Variants in STON1 observed in about 807,000 individuals in gnomAD.
STON1 encodes the protein stonin 1.
In STON1, 79 loss-of-function variants were observed where a neutral mutation model predicts 60.9. The ratio of observed to expected loss-of-function variants is 1.30; its 90% CI spans 1.08 to 1.56. The LOEUF (loss-of-function observed/expected upper bound fraction) is 1.56. STON1 is among the 40% of genes most tolerant of loss of function. The pLI, the probability that STON1 is intolerant of heterozygous loss-of-function variation, is 0.00. For synonymous variants in STON1, 363 were observed against 306.9 expected (o/e 1.18, Z -1.91); for missense variants, 1,166 against 858.9 (o/e 1.36, Z -4.47).
chr2:48,562,189 C>T (rs943120284), intron 1 of STON1, among the ~76,000 whole-genome samples: 1 of 152,176 alleles, frequency 6.6e-6, no homozygotes, highest in Admixed American at 6.5e-5. Context: ...GTCTTTTTCC[C>T]AGTTAGTTTT....
chr2:48,580,185 G>A (rs1572629789), intron 1 of STON1, among the ~76,000 whole-genome samples: 1 of 152,160 alleles, frequency 6.6e-6, no homozygotes, highest in African/African-American at 2.4e-5. Context: ...TGGGATTACA[G>A]TTGTGACCCA....
intron 1 of STON1, among the ~76,000 whole-genome samples, chr2:48,543,754 A>T (rs1184261018): frequency 3.3e-5 from 5 of 151,326 alleles, no homozygotes; most frequent in Non-Finnish European, 7.4e-5. Context: ...CTGGTTTTGA[A>T]CTCCTAGCCT....
intron 1 of STON1, among the ~76,000 whole-genome samples, chr2:48,533,360 A>G (rs1400313748): frequency 6.6e-6 from 1 of 151,944 alleles, no homozygotes; most frequent in Non-Finnish European, 1.5e-5. Flanking sequence ...AGCCTGGGCG[A>G]CAGAGCGAGA....
intron 1 of STON1, among the ~76,000 whole-genome samples, chr2:48,578,549 T>TCTC (rs1365433350): frequency 7.1e-6 from 1 of 140,882 alleles, no homozygotes. Context: ...TTCTCCTCCT[T>TCTC]CTCCTCCTTC....
intron 2 of STON1, among the ~76,000 whole-genome samples, chr2:48,586,661 A>G (rs975115261): frequency 6.6e-6 from 1 of 151,854 alleles, no homozygotes. Flanking sequence ...GTGTATTAAG[A>G]CCTTGTGGGC....
rs763696544 is a variant in STON1, at chr2:48,582,254, G to T, written c.1621G>T (p.Val541Leu). ...TGTAGTGGTTGTCCAGGGAGCATAC[G>T]TGGAACTTCAGGCTTTTGTCAACAT... ...KSVVVVQGAY[V>L]ELQAFVNMAS... Residue 541 changes from valine to leucine, a missense_variant, in exon 2 of 4, where the codon GTG becomes TTG. Coordinates refer to ENST00000404752, the MANE Select transcript of STON1 (RefSeq NM_006873.4). 2 of 1,614,056 alleles carry T rather than the reference G, an allele frequency of 1.2e-6. No individual in the cohort carries two copies. The highest frequency in any genetic ancestry group is 1.7e-6 in the Non-Finnish European group (2 of 1,180,052).
At chr2:48,569,782 C>G (rs1272071034) in intron 1 of STON1, among the ~76,000 whole-genome samples, 4 of 152,148 alleles carry the variant, frequency 2.6e-5, no homozygotes, top group African/African-American at 7.2e-5. Context: ...TCCTTTACAC[C>G]AAATGCTCAG....
rs1558604545 is a variant in STON1, at chr2:48,564,470, CTTCTTCTTCTTT to C, written c.-47-16116_-47-16105del. On this transcript the variant is annotated intron_variant, in intron 1 of 3. Transcript: ENST00000404752. ...TCTTCTTCTTCTTCTTCTTCTTCTT[CTTCTTCTTCTTT>C]CTTCTTCTTCTTCTTCTTCTTCTTC... Among the ~76,000 whole-genome samples, 21 of 54,562 alleles carry C rather than the reference CTTCTTCTTCTTT, an allele frequency of 3.8e-4. 1 individual carries two copies. The highest frequency in any genetic ancestry group is 1.4e-3 in the African/African-American group (19 of 13,646). 35.8% of individuals were successfully genotyped at this position (54,562 alleles called of 152,430 possible).
At chr2:48,579,380 C>G (rs1673742404) in intron 1 of STON1, among the ~76,000 whole-genome samples, 1 of 151,952 alleles carries the variant, frequency 6.6e-6, no homozygotes, top group Non-Finnish European at 1.5e-5. Flanking sequence ...GCATTTGTGG[C>G]TATAAAGTTC....
At chr2:48,551,964 C>T (rs1298077324) in intron 1 of STON1, among the ~76,000 whole-genome samples, 1 of 152,238 alleles carries the variant, frequency 6.6e-6, no homozygotes, top group Non-Finnish European at 1.5e-5. Context: ...GGGTTAGTTC[C>T]TGGTGTCCTG....
intron 1 of STON1, among the ~76,000 whole-genome samples, chr2:48,564,647 T>C (rs1162863566): frequency 7.7e-6 from 1 of 129,444 alleles, no homozygotes; most frequent in Non-Finnish European, 1.7e-5. Context: ...TCCTTCTCCT[T>C]CTTCTTCTTC....
At chr2:48,575,964 G>T (rs1196924626) in intron 1 of STON1, among the ~76,000 whole-genome samples, 1 of 151,354 alleles carries the variant, frequency 6.6e-6, no homozygotes. Flanking sequence ...CACCATGTTG[G>T]CTAGGCTGGT....
rs532534377 is a variant in STON1, at chr2:48,530,416, C to T, written c.-48+200C>T. 128 of 227,350 alleles carry T rather than the reference C, an allele frequency of 5.6e-4. 2 individuals are homozygous for T. The South Asian group carries it at 6.9e-3, about 12-fold the overall frequency. 14.1% of individuals were successfully genotyped at this position (227,350 alleles called of 1,614,324 possible). A position where few individuals can be genotyped will look rare whatever the true frequency, so the allele number is the denominator to read the frequency against. ...CCTGGGGCCCGCAGAGGGATGGCCTCCCGGCAGGGACTCCTCGGCTCCCCT... is the reference window on the plus strand; with the variant it reads ...CCTGGGGCCCGCAGAGGGATGGCCTTCCGGCAGGGACTCCTCGGCTCCCCT... On this transcript the variant is annotated intron_variant, in intron 1 of 3. Coordinates refer to ENST00000404752, the MANE Select transcript of STON1 (RefSeq NM_006873.4).
At chr2:48,591,901 T>C in intron 3 of STON1, 46 bp downstream of exon 3, 3 of 1,595,984 alleles carry the variant, frequency 1.9e-6, no homozygotes, top group South Asian at 2.2e-5. Flanking sequence ...TGGCTTTAAA[T>C]ATTTGTTTTG....
chr2:48,562,968 ATACT>A (rs1572950359), intron 1 of STON1, among the ~76,000 whole-genome samples: 1 of 152,232 alleles, frequency 6.6e-6, no homozygotes, highest in Non-Finnish European at 1.5e-5. Flanking sequence ...GAGTTCAGTG[ATACT>A]TACTCAAATT....
At chr2:48,564,359 C>T (rs1020957177) in intron 1 of STON1, among the ~76,000 whole-genome samples, 1 of 151,954 alleles carries the variant, frequency 6.6e-6, no homozygotes, top group Non-Finnish European at 1.5e-5. Context: ...TACATCCTCA[C>T]ATGGCAGAAA....
intron 1 of STON1, among the ~76,000 whole-genome samples, chr2:48,547,954 T>C (rs1366585334): frequency 1.3e-5 from 2 of 152,236 alleles, no homozygotes; most frequent in African/African-American, 2.4e-5. Flanking sequence ...TTTAAAGTTT[T>C]TTTCTGCTTC....
At chr2:48,559,882 C>T (rs185493011) in intron 1 of STON1, among the ~76,000 whole-genome samples, 1 of 152,208 alleles carries the variant, frequency 6.6e-6, no homozygotes, top group African/African-American at 2.4e-5. Context: ...TCCCCAAGGC[C>T]CAGCATCCAA....
intron 2 of STON1, among the ~76,000 whole-genome samples, chr2:48,583,384 T>C (rs1674012833): frequency 6.6e-6 from 1 of 152,242 alleles, no homozygotes; most frequent in Non-Finnish European, 1.5e-5. Flanking sequence ...CCACCTCATC[T>C]GGCCTAAACT....
Sources: allele counts gnomAD v4.1 joint callset (sites outside exome capture counted in the v4.1 genomes callset), GRCh38; gene constraint gnomAD v4.1.1; transcripts MANE v1.5; gene names NCBI Gene and HGNC (gene_info 2026-07-23, HGNC 2026-07-21).